SPSB4: variants seen among roughly 807,000 people sequenced by gnomAD.
The protein encoded by SPSB4 is splA/ryanodine receptor domain and SOCS box containing 4.
SPSB4 carries 21 observed loss-of-function variants against 20.9 expected under a neutral mutation model. That is an observed-to-expected ratio of 1.01 (90% CI 0.71 to 1.45). The LOEUF (loss-of-function observed/expected upper bound fraction) is 1.45, where lower values mean the gene tolerates loss of function less well. Ranked by LOEUF, SPSB4 falls within the 40% of genes most tolerant of loss-of-function variation. The pLI is 0.00. For missense variants in SPSB4, 399 were observed against 399.2 expected (o/e 1.00, Z 0.00); for synonymous variants, 207 against 183.8 (o/e 1.13, Z -1.02).
At chr3:141,060,786 G>C (rs1017445672) in intron 1 of SPSB4, among the ~76,000 whole-genome samples, 1 of 152,130 alleles carries the variant, frequency 6.6e-6, no homozygotes, top group South Asian at 2.1e-4. Context: ...CCAAGCATGC[G>C]TTATCCATTT....
intron 2 of SPSB4, among the ~76,000 whole-genome samples, chr3:141,071,986 G>A (rs1938016623): frequency 6.6e-6 from 1 of 152,222 alleles, no homozygotes. Context: ...CTGCACTCAA[G>A]ACCTTCTCGC....
intron 2 of SPSB4, among the ~76,000 whole-genome samples, chr3:141,101,766 A>G (rs748766552): frequency 2.6e-5 from 4 of 152,224 alleles, no homozygotes; most frequent in Non-Finnish European, 5.9e-5. Flanking sequence ...TAAACAACTG[A>G]CAGCACACTA....
rs1373482964 is a variant in SPSB4 at position 141,066,569 on chromosome 3, C to A, written c.465C>A (p.Asn155Lys). Residue 155 changes from asparagine (N) to lysine (K), a missense_variant, in exon 2 of 3, where the codon AAC (asparagine) becomes AAA (lysine). Physicochemically the swap from Asn to Lys is moderately conservative, Grantham distance 94 (BLOSUM62 0). Coordinates refer to ENST00000310546, the MANE Select transcript of SPSB4 (RefSeq NM_080862.3). ...GCCGCCTCTACCACGACGGCAAGAACCAGCCCGGCGTGGCCTACCCGGCCT... is the reference window on the plus strand; with the variant it reads ...GCCGCCTCTACCACGACGGCAAGAAACAGCCCGGCGTGGCCTACCCGGCCT... ...GRSRLYHDGKNQPGVAYPAFL... is the reference protein window; with the variant it reads ...GRSRLYHDGKKQPGVAYPAFL... 10 of 1,543,992 alleles carry A rather than the reference C, an allele frequency of 6.5e-6. No homozygotes were observed. The highest frequency in any genetic ancestry group is 8.7e-6 in the Non-Finnish European group (10 of 1,145,322).
chr3:141,060,707 T>C (rs886113795), intron 1 of SPSB4, among the ~76,000 whole-genome samples: 6 of 152,248 alleles, frequency 3.9e-5, no homozygotes, highest in African/African-American at 1.4e-4. Context: ...AATTTGCCAT[T>C]TGCCGAGGCT....
chr3:141,102,425 T>G (rs1446654808), intron 2 of SPSB4, among the ~76,000 whole-genome samples: 1 of 151,174 alleles, frequency 6.6e-6, no homozygotes, highest in Non-Finnish European at 1.5e-5. Flanking sequence ...CCTGGGAGAG[T>G]GTATGAGTGG....
At chr3:141,145,226 A>T (rs1049451255) in intron 2 of SPSB4, among the ~76,000 whole-genome samples, 8 of 93,830 alleles carry the variant, frequency 8.5e-5, no homozygotes, top group South Asian at 5.1e-4. Flanking sequence ...ACAAAAAATT[A>T]AAAAAAAAAA....
intron 1 of SPSB4, among the ~76,000 whole-genome samples, chr3:141,062,672 A>T (rs1256186088): frequency 2.0e-5 from 3 of 152,170 alleles, no homozygotes; most frequent in African/African-American, 7.2e-5. Context: ...AGAATTTTTT[A>T]AAATGCCTAA....
At chr3:141,122,130 C>G (rs1938977328) in intron 2 of SPSB4, among the ~76,000 whole-genome samples, 1 of 152,144 alleles carries the variant, frequency 6.6e-6, no homozygotes, top group Non-Finnish European at 1.5e-5. Context: ...GATATTGATG[C>G]TATTCCTTTC....
chr3:141,088,084 G>A (rs1445307265), intron 2 of SPSB4, among the ~76,000 whole-genome samples: 1 of 152,026 alleles, frequency 6.6e-6, no homozygotes, highest in Non-Finnish European at 1.5e-5. Flanking sequence ...GGCCCAAGGG[G>A]GTCTCTCTGC....
At chr3:141,053,558 C>T (rs1023560997) in intron 1 of SPSB4, among the ~76,000 whole-genome samples, 1 of 151,982 alleles carries the variant, frequency 6.6e-6, no homozygotes, top group Non-Finnish European at 1.5e-5. Context: ...TGACATATAC[C>T]ACTCCTATCA....
At chr3:141,088,742 C>T in intron 2 of SPSB4, among the ~76,000 whole-genome samples, 1 of 152,174 alleles carries the variant, frequency 6.6e-6, no homozygotes, top group East Asian at 1.9e-4. Context: ...CCCAGGATGC[C>T]CACAGCAGTA....
intron 2 of SPSB4, among the ~76,000 whole-genome samples, chr3:141,135,815 G>A (rs1490767257): frequency 6.6e-6 from 1 of 152,072 alleles, no homozygotes; most frequent in African/African-American, 2.4e-5. Flanking sequence ...GTGTGCATGT[G>A]TCTTTATAGC....
At chr3:141,073,849 C>A (rs115989392) in intron 2 of SPSB4, among the ~76,000 whole-genome samples, 2,046 of 152,256 alleles carry the variant, frequency 0.013, 41 homozygotes, top group African/African-American at 0.046. Context: ...TGCACACAGG[C>A]CAAGCAGAGG....
chr3:141,052,779 T>C (rs1936118201), intron 1 of SPSB4, among the ~76,000 whole-genome samples: 1 of 152,174 alleles, frequency 6.6e-6, no homozygotes, highest in East Asian at 1.9e-4. Flanking sequence ...GGCGCAGGGC[T>C]CTGGGAAGGA....
intron 2 of SPSB4, among the ~76,000 whole-genome samples, chr3:141,085,502 G>A (rs562449142): frequency 6.6e-6 from 1 of 152,170 alleles, no homozygotes; most frequent in Non-Finnish European, 1.5e-5. Context: ...ATTCCAGGCA[G>A]CAGAATGGAA....
At chr3:141,078,739 C>A (rs577935533) in intron 2 of SPSB4, among the ~76,000 whole-genome samples, 43 of 152,284 alleles carry the variant, frequency 2.8e-4, no homozygotes, top group African/African-American at 9.4e-4. Context: ...GCGCCAAGCA[C>A]TCTGCCAAAA....
At chr3:141,109,397 A>T (rs977063325) in intron 2 of SPSB4, among the ~76,000 whole-genome samples, 1 of 152,040 alleles carries the variant, frequency 6.6e-6, no homozygotes, top group African/African-American at 2.4e-5. Flanking sequence ...GGCCCAGAGA[A>T]GGTGGGGAGC....
rs577042926 is a variant in SPSB4, at chr3:141,147,942, C to A, written c.*673C>A. The A allele has an allele frequency of 1.4e-4, 22 of 153,194 alleles. No homozygotes were observed. The highest frequency in any genetic ancestry group is 2.8e-4 in the Non-Finnish European group (19 of 68,450). 9.5% of individuals were successfully genotyped at this position (153,194 alleles called of 1,614,324 possible). ...CCTTCCCAGCCACTGACTCACAGTTCTCTGGATGCCCAGACACCTCTCTTC... is the reference window on the plus strand; with the variant it reads ...CCTTCCCAGCCACTGACTCACAGTTATCTGGATGCCCAGACACCTCTCTTC... On this transcript the variant is annotated 3_prime_UTR_variant, in exon 3 of 3. Coordinates refer to ENST00000310546, the MANE Select transcript of SPSB4 (RefSeq NM_080862.3).
At chr3:141,078,447 A>G (rs375858945) in intron 2 of SPSB4, among the ~76,000 whole-genome samples, 457 of 152,312 alleles carry the variant, frequency 3.0e-3, no homozygotes, top group African/African-American at 0.011. Flanking sequence ...GGAGGGAGCC[A>G]CAATGCTCCA....
Sources: gnomAD v4.1 joint callset for allele counts (sites outside exome capture counted in the v4.1 genomes callset) on GRCh38, gnomAD v4.1.1 for gene constraint, MANE v1.5 for transcripts, NCBI Gene and HGNC (gene_info 2026-07-23, HGNC 2026-07-21) for gene names.